The following CUL4A variants were observed in gnomAD, a reference collection of about 807,000 sequenced individuals.
CUL4A encodes the protein cullin 4A, also known as cullin-4A.
In CUL4A, 16 loss-of-function variants were observed where a neutral mutation model predicts 95.5. The observed-to-expected ratio is 0.17, with a 90% CI of 0.11 to 0.25. The LOEUF (loss-of-function observed/expected upper bound fraction) is 0.25. Ranked by LOEUF, CUL4A falls within the 10% of genes least tolerant of loss-of-function variation. The probability of loss-of-function intolerance (pLI) is 1.00; values close to 1 mark genes in which losing one functional copy is unlikely to be tolerated. For missense variants in CUL4A, 610 were observed against 937.0 expected (o/e 0.65, Z 4.56); for synonymous variants, 380 against 353.1 (o/e 1.08, Z -0.85).
chr13:113,231,210 A>G (rs1388200620), intron 5 of CUL4A, among the ~76,000 whole-genome samples: 4 of 152,250 alleles, frequency 2.6e-5, no homozygotes, highest in Admixed American at 6.5e-5. Context: ...CATCATTACA[A>G]GAAGAATCCT....
intron 19 of CUL4A, among the ~76,000 whole-genome samples, chr13:113,262,331 C>T (rs1566378313): frequency 6.6e-6 from 1 of 152,150 alleles, no homozygotes; most frequent in African/African-American, 2.4e-5. Context: ...GTGGACATGG[C>T]ATGCAATAAC....
At chr13:113,247,606 A>G (rs1353336984) in intron 15 of CUL4A, among the ~76,000 whole-genome samples, 5 of 152,148 alleles carry the variant, frequency 3.3e-5, no homozygotes, top group Non-Finnish European at 5.9e-5. Flanking sequence ...TTCTCATTCC[A>G]GGAGAACTTT....
At chr13:113,261,632 C>T (rs1421558973) in intron 19 of CUL4A, among the ~76,000 whole-genome samples, 2 of 152,046 alleles carry the variant, frequency 1.3e-5, no homozygotes, top group African/African-American at 4.8e-5. Flanking sequence ...AACAATCAGG[C>T]CCAGCGCGAA....
intron 3 of CUL4A, 63 bp from the exon 4 acceptor site, chr13:113,227,907 CAAAAAA>C: frequency 1.3e-6 from 1 of 787,536 alleles, no homozygotes. Context: ...GACTCCATCT[CAAAAAA>C]AAAAAAAAAG....
intron 3 of CUL4A, chr13:113,219,251 A>G: frequency 6.3e-6 from 3 of 472,742 alleles, no homozygotes; most frequent in Non-Finnish European, 1.1e-5. Context: ...GTGTTCATTT[A>G]TTGGGTATGG....
chr13:113,217,992 T>G (rs1299163642), intron 2 of CUL4A, among the ~76,000 whole-genome samples: 1 of 152,258 alleles, frequency 6.6e-6, no homozygotes, highest in East Asian at 1.9e-4. Flanking sequence ...ATCCCAGCAC[T>G]GTGGGAGGCC....
chr13:113,253,547 T>TAC (rs1303832301), intron 16 of CUL4A, among the ~76,000 whole-genome samples: 1 of 152,080 alleles, frequency 6.6e-6, no homozygotes, highest in Admixed American at 6.5e-5. Flanking sequence ...GACTAAGAGA[T>TAC]TTGATGAAGC....
chr13:113,248,365 CAG>C (rs1004619033), intron 15 of CUL4A, among the ~76,000 whole-genome samples: 1 of 152,132 alleles, frequency 6.6e-6, no homozygotes, highest in African/African-American at 2.4e-5. Context: ...ATTATGAACT[CAG>C]GGATTCTTAA....
upstream of CUL4A, chr13:113,208,239 C>A: frequency 6.9e-7 from 1 of 1,457,364 alleles, no homozygotes; most frequent in South Asian, 1.3e-5. Context: ...CGACACAGCA[C>A]CGCCCACAGC....
chr13:113,259,611 T>C (rs986390052), intron 18 of CUL4A, among the ~76,000 whole-genome samples: 35 of 152,208 alleles, frequency 2.3e-4, no homozygotes, highest in African/African-American at 7.7e-4. Flanking sequence ...TCATGTAATC[T>C]AACCTTTCAA....
chr13:113,243,267 C>G, intron 11 of CUL4A, 107 bp downstream of exon 11: 1 of 1,014,108 alleles, frequency 9.9e-7, no homozygotes. Context: ...CCAAAATGTT[C>G]AAGCTGCTCA....
chr13:113,230,395 C>T (rs918627146), intron 5 of CUL4A, among the ~76,000 whole-genome samples: 4 of 152,160 alleles, frequency 2.6e-5, no homozygotes, highest in Admixed American at 1.3e-4. Context: ...TTTTATACAA[C>T]ATCTATACAA....
intron 2 of CUL4A, among the ~76,000 whole-genome samples, chr13:113,211,832 T>C (rs913191810): frequency 4.6e-5 from 7 of 152,254 alleles, no homozygotes; most frequent in Admixed American, 3.3e-4. Flanking sequence ...TGTTTAACTT[T>C]GTACGGAATT....
At chr13:113,244,184 T>C (rs2041797676) in intron 11 of CUL4A, 2 of 429,272 alleles carry the variant, frequency 4.7e-6, no homozygotes. Flanking sequence ...AAGAAAGATA[T>C]TTAAACCTGC....
At chr13:113,222,793 TGGAGGCTGAGGTG>T (rs1052269495) in intron 3 of CUL4A, among the ~76,000 whole-genome samples, 4 of 152,096 alleles carry the variant, frequency 2.6e-5, no homozygotes, top group Admixed American at 6.5e-5. Flanking sequence ...CCAGCTACTC[TGGAGGCTGAGGTG>T]GGAGGATTGC....
At chr13:113,228,156 G>T in intron 4 of CUL4A, 111 bp downstream of exon 4, 1 of 841,328 alleles carries the variant, frequency 1.2e-6, no homozygotes, top group Non-Finnish European at 2.0e-6. Context: ...TGTGTTCAGT[G>T]CTGTGGTTGA....
At chr13:113,251,921 A>G (rs1165388795) in intron 15 of CUL4A, among the ~76,000 whole-genome samples, 3 of 152,132 alleles carry the variant, frequency 2.0e-5, no homozygotes, top group Non-Finnish European at 4.4e-5. Context: ...GAGCAGGGGG[A>G]GGCCACGCCC....
In CUL4A at chr13:113,232,760, G is replaced by A. The variant is rs138354077; in HGVS notation, c.513-417G>A. ...AGCTGCTGGGACGTGCTCAGCAGAG[G>A]ACACTGGGAAGAGAGTGTACCCTGA... On this transcript the variant is annotated intron_variant, in intron 5 of 19. Transcript: ENST00000375440. 1.6e-3 allele frequency among the ~76,000 whole-genome samples: 240 copies of A among 152,314 alleles called. 1 individual carries two copies. The highest frequency in any genetic ancestry group is 1.7e-3 in the Non-Finnish European group (116 of 68,026).
At chr13:113,251,229 A>G (rs2041987215) in intron 15 of CUL4A, among the ~76,000 whole-genome samples, 1 of 152,180 alleles carries the variant, frequency 6.6e-6, no homozygotes, top group Non-Finnish European at 1.5e-5. Flanking sequence ...GGTTCTGGAA[A>G]TGAGTAGGTT....
Sources: allele counts gnomAD v4.1 joint callset (sites outside exome capture counted in the v4.1 genomes callset), GRCh38; gene constraint gnomAD v4.1.1; transcripts MANE v1.5; gene names NCBI Gene and HGNC (gene_info 2026-07-23, HGNC 2026-07-21).